The following EIF4G3 variants were observed in gnomAD, a reference collection of about 807,000 sequenced individuals.
EIF4G3 encodes the protein eukaryotic translation initiation factor 4 gamma 3.
A neutral mutation model predicts 186.4 loss-of-function variants in EIF4G3; 34 were observed. That is an observed-to-expected ratio of 0.18 (90% CI 0.14 to 0.24). EIF4G3 has a LOEUF of 0.24. EIF4G3 is among the 10% of genes least tolerant of loss of function. The probability of loss-of-function intolerance (pLI) is 1.00; values close to 1 mark genes in which losing one functional copy is unlikely to be tolerated. For synonymous variants in EIF4G3, 673 were observed against 679.5 expected (o/e 0.99, Z 0.15); for missense variants, 1,536 against 1,948.5 (o/e 0.79, Z 3.99).
intron 13 of EIF4G3, 96 bp from the exon 14 acceptor site, chr1:20,942,426 G>A (rs1268864011): frequency 7.9e-7 from 1 of 1,266,780 alleles, no homozygotes; most frequent in Non-Finnish European, 1.1e-6. Context: ...CTAAATTACA[G>A]GTAACAGAAC....
At chr1:21,008,027 C>A (rs1055201254) in intron 4 of EIF4G3, among the ~76,000 whole-genome samples, 2 of 152,180 alleles carry the variant, frequency 1.3e-5, no homozygotes, top group Non-Finnish European at 2.9e-5. Context: ...GTGGCTCATG[C>A]CTGTAATCCC....
chr1:21,036,237 C>T (rs1018088414), intron 4 of EIF4G3, among the ~76,000 whole-genome samples: 2 of 151,966 alleles, frequency 1.3e-5, no homozygotes, highest in East Asian at 1.9e-4. Flanking sequence ...TGCCGAGAGT[C>T]GAACACTCAA....
At chr1:21,033,490 G>GC (rs1172351496) in intron 4 of EIF4G3, among the ~76,000 whole-genome samples, 1 of 152,046 alleles carries the variant, frequency 6.6e-6, no homozygotes, top group Non-Finnish European at 1.5e-5. Context: ...CAAAGCTACT[G>GC]CAACAAAAGA....
intron 4 of EIF4G3, among the ~76,000 whole-genome samples, chr1:21,043,867 G>T (rs1557676617): frequency 7.6e-5 from 3 of 39,616 alleles, no homozygotes; most frequent in Non-Finnish European, 1.2e-4. Context: ...TGAAACCTTG[G>T]CGCAAAAAAA....
intron 2 of EIF4G3, among the ~76,000 whole-genome samples, chr1:21,126,391 T>C (rs2097045567): frequency 6.6e-6 from 1 of 151,768 alleles, no homozygotes; most frequent in Non-Finnish European, 1.5e-5. Context: ...TAAACAAACA[T>C]GTCAAGTCGA....
chr1:21,094,036 T>C (rs1049740885), intron 2 of EIF4G3, among the ~76,000 whole-genome samples: 6 of 151,938 alleles, frequency 3.9e-5, no homozygotes, highest in African/African-American at 9.7e-5. Context: ...CACACCAACA[T>C]GGCGCATGTA....
At position 21,080,659 on chromosome 1, in the gene EIF4G3, G is replaced by A. The variant is rs180831046; in HGVS notation, c.-196+8479C>T. Among the ~76,000 whole-genome samples the A allele has an allele frequency of 5.5e-4, 84 of 151,994 alleles. No individual in the cohort carries two copies. The East Asian group carries it at 0.015, about 27-fold the overall frequency. ...TGAGTAGCTGGGATTACAGGTGTGC[G>A]CCACCATGCCCGGCTAATTTTTGTA... On this transcript the variant is annotated intron_variant, in intron 3 of 36. Transcript: ENST00000602326.
intron 7 of EIF4G3, among the ~76,000 whole-genome samples, chr1:20,992,040 T>C (rs1044981347): frequency 1.3e-5 from 2 of 152,206 alleles, no homozygotes; most frequent in Admixed American, 1.3e-4. Context: ...CAAAGATAAT[T>C]TGTAGTGAAG....
At chr1:21,152,534 C>T (rs1027478699) in intron 2 of EIF4G3, among the ~76,000 whole-genome samples, 1 of 151,914 alleles carries the variant, frequency 6.6e-6, no homozygotes, top group African/African-American at 2.4e-5. Flanking sequence ...AAATCCATTT[C>T]CCTTCAACTC....
chr1:20,871,634 C>T (rs996264552), intron 20 of EIF4G3, among the ~76,000 whole-genome samples: 1 of 152,118 alleles, frequency 6.6e-6, no homozygotes, highest in African/African-American at 2.4e-5. Context: ...TACAGTAGAT[C>T]TTTCCTGTCT....
At chr1:20,962,014 A>G (rs1251201633) in intron 12 of EIF4G3, among the ~76,000 whole-genome samples, 2 of 152,236 alleles carry the variant, frequency 1.3e-5, no homozygotes, top group African/African-American at 4.8e-5. Flanking sequence ...TTTACATTAT[A>G]CTAGGTATCA....
At chr1:21,043,509 G>T (rs543151312) in intron 4 of EIF4G3, among the ~76,000 whole-genome samples, 1 of 152,174 alleles carries the variant, frequency 6.6e-6, no homozygotes, top group Non-Finnish European at 1.5e-5. Context: ...AATTCTTTTC[G>T]GCTACAGGCA....
intron 11 of EIF4G3, 113 bp from the exon 12 acceptor site, chr1:20,969,709 G>C: frequency 1.1e-6 from 1 of 948,070 alleles, no homozygotes; most frequent in Non-Finnish European, 1.6e-6. Flanking sequence ...TATCAAAGGT[G>C]ATAATCACCA....
chr1:21,055,303 A>G (rs1338855544), intron 3 of EIF4G3, among the ~76,000 whole-genome samples: 1 of 152,176 alleles, frequency 6.6e-6, no homozygotes, highest in African/African-American at 2.4e-5. Flanking sequence ...TAAAGTGAAA[A>G]TAAAAAGAGA....
chr1:21,127,029 C>T (rs1258728612), intron 2 of EIF4G3, among the ~76,000 whole-genome samples: 1 of 151,950 alleles, frequency 6.6e-6, no homozygotes, highest in African/African-American at 2.4e-5. Flanking sequence ...TGTTGCCAGG[C>T]CAGAGTGCAG....
intron 4 of EIF4G3, among the ~76,000 whole-genome samples, chr1:21,037,532 T>C (rs1409612747): frequency 2.0e-5 from 3 of 152,226 alleles, no homozygotes; most frequent in African/African-American, 7.2e-5. Context: ...TGGCAGGGTA[T>C]AATTTGGTTC....
intron 30 of EIF4G3, among the ~76,000 whole-genome samples, chr1:20,840,557 A>G (rs2068241211): frequency 6.6e-6 from 1 of 152,216 alleles, no homozygotes; most frequent in African/African-American, 2.4e-5. Context: ...ATGGGCTGCT[A>G]AAGGCCTCAG....
intron 2 of EIF4G3, among the ~76,000 whole-genome samples, chr1:21,108,917 A>C (rs1034439966): frequency 2.1e-5 from 3 of 141,634 alleles, no homozygotes; most frequent in East Asian, 2.2e-4. Context: ...AAAAAAAAAA[A>C]AAAAAAAACT....
intron 12 of EIF4G3, among the ~76,000 whole-genome samples, chr1:20,966,247 T>C (rs769648578): frequency 2.0e-5 from 3 of 152,240 alleles, no homozygotes; most frequent in Non-Finnish European, 2.9e-5. Context: ...TCCTAAATTC[T>C]GATGCAGAGG....
Sources: allele counts gnomAD v4.1 joint callset (sites outside exome capture counted in the v4.1 genomes callset), GRCh38; gene constraint gnomAD v4.1.1; transcripts MANE v1.5; gene names NCBI Gene and HGNC (gene_info 2026-07-23, HGNC 2026-07-21).